Variants in CADPS2 observed in about 807,000 individuals in gnomAD.
CADPS2 encodes the protein calcium dependent secretion activator 2.
In CADPS2, 93 loss-of-function variants were observed where a neutral mutation model predicts 172.5. That is an observed-to-expected ratio of 0.54 (90% CI 0.46 to 0.64). The LOEUF (loss-of-function observed/expected upper bound fraction) is 0.64. Ranked by LOEUF, CADPS2 falls within the 30% of genes least tolerant of loss-of-function variation. The probability of loss-of-function intolerance (pLI) is 0.00; values close to 1 mark genes in which losing one functional copy is unlikely to be tolerated. For missense variants in CADPS2, 1,420 were observed against 1,565.9 expected, an observed-to-expected ratio of 0.91 and a Z score of 1.57; for synonymous variants, 546 against 555.2, an observed-to-expected ratio of 0.98 and a Z score of 0.23.
At chr7:122,551,601 A>G (rs1587170044) in intron 8 of CADPS2, among the ~76,000 whole-genome samples, 1 of 152,076 alleles carries the variant, frequency 6.6e-6, no homozygotes, top group Non-Finnish European at 1.5e-5. Flanking sequence ...AGTCCTAAAG[A>G]TTTCAAAGTC....
chr7:122,650,324 T>C (rs1563963640), intron 3 of CADPS2, among the ~76,000 whole-genome samples: 1 of 152,148 alleles, frequency 6.6e-6, no homozygotes, highest in Non-Finnish European at 1.5e-5. Context: ...TTGCTTATTA[T>C]GCTTGAAACA....
chr7:122,840,673 C>A (rs75920560), intron 1 of CADPS2, among the ~76,000 whole-genome samples: 2,363 of 151,992 alleles, frequency 0.016, 57 homozygotes, highest in African/African-American at 0.054. Context: ...CCCAGGTACT[C>A]CAGAGGCTGA....
chr7:122,672,562 A>C (rs2081968924), intron 2 of CADPS2, among the ~76,000 whole-genome samples: 1 of 150,832 alleles, frequency 6.6e-6, no homozygotes, highest in African/African-American at 2.4e-5. Flanking sequence ...CAGAGGAGAT[A>C]AGTAACTGGC....
chr7:122,641,087 AT>A (rs564402048), intron 3 of CADPS2, among the ~76,000 whole-genome samples: 9 of 149,578 alleles, frequency 6.0e-5, no homozygotes, highest in African/African-American at 7.4e-5. Context: ...TTTTAATGTC[AT>A]TTTTTTTTTA....
In CADPS2 at chr7:122,416,141, C is replaced by T; in HGVS notation, c.2500G>A (p.Ala834Thr). 6.5e-7 allele frequency: 1 copy of T among 1,548,524 alleles called. No homozygotes were observed. ...TGAAGAATCTCTTCCAGCTTTCTAG[C>T]AGGAGATGCCTGGTTCATGGTCTCT... ...IEETMNQASP[A>T]RKLEEILHLA... Residue 834 changes from alanine (A) to threonine (T), a missense_variant, in exon 18 of 30, where the codon GCT becomes ACT. By Grantham distance (58) the Ala-to-Thr change is moderately conservative. Coordinates refer to ENST00000449022, the MANE Select transcript of CADPS2 (RefSeq NM_017954.11).
At chr7:122,723,553 A>T (rs547897450) in intron 2 of CADPS2, among the ~76,000 whole-genome samples, 4 of 152,314 alleles carry the variant, frequency 2.6e-5, no homozygotes, top group South Asian at 4.1e-4. Flanking sequence ...GATGTGGAGA[A>T]ATAGGAACAC....
rs1433974203 is a variant in CADPS2 at position 122,393,100 on chromosome 7, G to C, written c.3008+96C>G. On this transcript the variant is annotated intron_variant, in intron 22 of 29. Transcript: ENST00000449022. ...AAAACAGTATTCCTCAACCAACGAT[G>C]ACAAATGCCATGCAGTCTAAACACA... The C allele has an allele frequency of 2.0e-5, 26 of 1,329,430 alleles. No homozygotes were observed. In the East Asian group the frequency reaches 6.2e-4, roughly 32 times the overall value. The allele number at this position is 1,329,430 out of a possible 1,614,324, so 82.4% of individuals were successfully genotyped here. A position where few individuals can be genotyped will look rare whatever the true frequency, so the allele number is the denominator to read the frequency against.
chr7:122,736,871 T>C lies in CADPS2; in HGVS notation c.453+84A>G, dbSNP rs113773528. ...AGCCTTCCTGTCAGACCAGCAAGCT[T>C]CTTTAAAATGAGAAACCCATAAAAA... On this transcript the variant is annotated intron_variant, in intron 2 of 29. Coordinates refer to ENST00000449022, the MANE Select transcript of CADPS2 (RefSeq NM_017954.11). 4,124 of 703,476 alleles carry C rather than the reference T, an allele frequency of 5.9e-3. 97 individuals are homozygous for C. In the African/African-American group the frequency reaches 0.059, roughly 10 times the overall value. 43.6% of individuals were successfully genotyped at this position (703,476 alleles called of 1,614,324 possible).
chr7:122,869,049 A>C (rs1296141247), intron 1 of CADPS2, among the ~76,000 whole-genome samples: 1 of 152,070 alleles, frequency 6.6e-6, no homozygotes, highest in Non-Finnish European at 1.5e-5. Context: ...AAGATAACCT[A>C]AGGGAATTAT....
intron 2 of CADPS2, among the ~76,000 whole-genome samples, chr7:122,712,810 G>C (rs538848332): frequency 6.6e-5 from 10 of 151,994 alleles, no homozygotes; most frequent in Admixed American, 1.3e-4. Context: ...GCACCTTTTC[G>C]CTGTGTTCTT....
chr7:122,654,687 A>C (rs2079541259), intron 3 of CADPS2, among the ~76,000 whole-genome samples: 1 of 152,208 alleles, frequency 6.6e-6, no homozygotes, highest in Non-Finnish European at 1.5e-5. Flanking sequence ...GTACAAGAAG[A>C]TTCACATTGA....
chr7:122,690,738 C>T (rs1305513743), intron 2 of CADPS2, among the ~76,000 whole-genome samples: 1 of 152,174 alleles, frequency 6.6e-6, no homozygotes, highest in Non-Finnish European at 1.5e-5. Context: ...CCTCAATAAA[C>T]TGCCCAGCTA....
intron 6 of CADPS2, among the ~76,000 whole-genome samples, chr7:122,597,264 T>C (rs1458568068): frequency 6.6e-6 from 1 of 152,086 alleles, no homozygotes; most frequent in Non-Finnish European, 1.5e-5. Context: ...GAAACACTAA[T>C]AAGTCCTGCC....
At chr7:122,536,991 AG>A (rs2062360351) in intron 8 of CADPS2, among the ~76,000 whole-genome samples, 1 of 152,020 alleles carries the variant, frequency 6.6e-6, no homozygotes, top group African/African-American at 2.4e-5. Context: ...GGGCACATAG[AG>A]GAGAAGACCA....
chr7:122,695,240 G>A (rs1272835362), intron 2 of CADPS2, among the ~76,000 whole-genome samples: 1 of 152,160 alleles, frequency 6.6e-6, no homozygotes, highest in Non-Finnish European at 1.5e-5. Flanking sequence ...TTTCACTGTA[G>A]TAAAATATTA....
chr7:122,660,037 A>G (rs1198827284), intron 3 of CADPS2, among the ~76,000 whole-genome samples: 1 of 152,252 alleles, frequency 6.6e-6, no homozygotes, highest in Non-Finnish European at 1.5e-5. Context: ...AATATCAGTA[A>G]GAAATTTGAA....
At chr7:122,422,490 T>A (rs2048641496) in intron 17 of CADPS2, among the ~76,000 whole-genome samples, 1 of 152,106 alleles carries the variant, frequency 6.6e-6, no homozygotes, top group East Asian at 1.9e-4. Flanking sequence ...TAGTGATTGA[T>A]CCCCTAGCTG....
At chr7:122,418,924 G>A (rs1368365191) in intron 17 of CADPS2, among the ~76,000 whole-genome samples, 2 of 152,172 alleles carry the variant, frequency 1.3e-5, no homozygotes, top group African/African-American at 4.8e-5. Context: ...GCAGAGTTAG[G>A]CTATCTGAAT....
rs765488857 is a variant in CADPS2, at chr7:122,388,678, G to C, written c.3069C>G (p.Val1023=). 1 of 1,610,636 alleles carries C rather than the reference G, an allele frequency of 6.2e-7. No individual in the cohort carries two copies. Among genetic ancestry groups the C allele is most frequent in the Non-Finnish European group, 8.5e-7 (1 of 1,177,970 alleles). ...CCTGTTCTGGCCAGTGCAGATCAAA[G>C]ACAAACATTTGCAGTGCATCAAGCT... ...FWKLDALQMF[V]FDLHWPEQEF... The change falls in exon 23 of 30, where the codon GTC becomes GTG. Residue 1023 remains valine, a synonymous_variant. Coordinates refer to ENST00000449022, the MANE Select transcript of CADPS2 (RefSeq NM_017954.11).
Sources: gnomAD v4.1 joint callset for allele counts (sites outside exome capture counted in the v4.1 genomes callset) on GRCh38, gnomAD v4.1.1 for gene constraint, MANE v1.5 for transcripts, NCBI Gene and HGNC (gene_info 2026-07-23, HGNC 2026-07-21) for gene names.